The following LMNB1 variants were observed in gnomAD, a reference collection of about 807,000 sequenced individuals.
LMNB1 encodes the protein lamin-B1.
LMNB1 carries 23 observed loss-of-function variants against 67.1 expected under a neutral mutation model. That is an observed-to-expected ratio of 0.34 (90% CI 0.25 to 0.49). LMNB1 has a LOEUF of 0.49. LMNB1 is among the 20% of genes least tolerant of loss of function. The probability of loss-of-function intolerance (pLI) is 0.99; values close to 1 mark genes in which losing one functional copy is unlikely to be tolerated. For synonymous variants in LMNB1, 281 were observed against 282.9 expected (o/e 0.99, Z 0.07); for missense variants, 634 against 746.5 (o/e 0.85, Z 1.76).
intron 9 of LMNB1, among the ~76,000 whole-genome samples, chr5:126,829,184 A>G (rs1752071122): frequency 6.6e-6 from 1 of 151,920 alleles, no homozygotes; most frequent in African/African-American, 2.4e-5. Context: ...AGAAAACCCA[A>G]TTAAACTGGC....
At chr5:126,805,006 G>T (rs1237500424) in intron 2 of LMNB1, 74 bp downstream of exon 2, 28 of 1,201,722 alleles carry the variant, frequency 2.3e-5, no homozygotes, top group Non-Finnish European at 3.2e-5. Flanking sequence ...TAGTTTGATT[G>T]ATTGATTGAT....
At chr5:126,815,975 T>C (rs1267579591) in intron 5 of LMNB1, among the ~76,000 whole-genome samples, 5 of 152,242 alleles carry the variant, frequency 3.3e-5, no homozygotes, top group African/African-American at 9.6e-5. Flanking sequence ...TCAGGTTATC[T>C]GTGAATCTTG....
intron 1 of LMNB1, among the ~76,000 whole-genome samples, chr5:126,780,309 G>T (rs146852040): frequency 7.9e-5 from 12 of 152,294 alleles, no homozygotes; most frequent in African/African-American, 2.9e-4. Context: ...AGAGTGTAGT[G>T]GGGGAGCTAT....
At chr5:126,791,303 A>G (rs1750951122) in intron 1 of LMNB1, among the ~76,000 whole-genome samples, 1 of 152,038 alleles carries the variant, frequency 6.6e-6, no homozygotes, top group Non-Finnish European at 1.5e-5. Context: ...TTTTATTACC[A>G]TATGAGACTC....
At chr5:126,802,695 C>T (rs1193266032) in intron 1 of LMNB1, among the ~76,000 whole-genome samples, 6 of 152,116 alleles carry the variant, frequency 3.9e-5, no homozygotes, top group African/African-American at 1.4e-4. Flanking sequence ...CTTGCCTCGG[C>T]CTCCCAAAAT....
At chr5:126,780,495 G>C (rs1473355845) in intron 1 of LMNB1, among the ~76,000 whole-genome samples, 2 of 152,152 alleles carry the variant, frequency 1.3e-5, no homozygotes, top group Non-Finnish European at 2.9e-5. Flanking sequence ...TGGTTTCAGC[G>C]GGGTTAAAAA....
chr5:126,778,203 G>T (rs983159603), intron 1 of LMNB1, among the ~76,000 whole-genome samples: 3 of 152,086 alleles, frequency 2.0e-5, no homozygotes, highest in African/African-American at 7.2e-5. Context: ...GCGGAGAGGC[G>T]GCCCCTCAGG....
intron 1 of LMNB1, among the ~76,000 whole-genome samples, chr5:126,785,178 G>A (rs116549373): frequency 0.056 from 8,227 of 147,310 alleles, 258 homozygotes; most frequent in Middle Eastern, 0.1. Flanking sequence ...AGTAGAAACG[G>A]GGTTTCACCA....
intron 5 of LMNB1, among the ~76,000 whole-genome samples, chr5:126,813,555 T>G (rs1321687521): frequency 6.6e-6 from 1 of 152,232 alleles, no homozygotes; most frequent in East Asian, 1.9e-4. Context: ...CTTGGTAGCT[T>G]ATAAACAACA....
chr5:126,789,046 C>A (rs1284397751), intron 1 of LMNB1, among the ~76,000 whole-genome samples: 2 of 152,050 alleles, frequency 1.3e-5, no homozygotes, highest in Non-Finnish European at 2.9e-5. Context: ...CAGGCACACA[C>A]CACCACGACT....
intron 1 of LMNB1, among the ~76,000 whole-genome samples, chr5:126,778,348 A>G (rs761489641): frequency 5.9e-5 from 9 of 152,202 alleles, no homozygotes; most frequent in African/African-American, 1.4e-4. Flanking sequence ...GCCCGCCTCT[A>G]GAATGAATGA....
At chr5:126,802,514 G>C (rs1353022583) in intron 1 of LMNB1, among the ~76,000 whole-genome samples, 1 of 152,142 alleles carries the variant, frequency 6.6e-6, no homozygotes, top group African/African-American at 2.4e-5. Context: ...TATGATCTCG[G>C]CTCACTGCAA....
chr5:126,804,729 A>G (rs751380796), intron 1 of LMNB1, 47 bp from the exon 2 acceptor site: 124 of 1,557,790 alleles, frequency 8.0e-5, no homozygotes, highest in Non-Finnish European at 1.1e-4. Flanking sequence ...GAAGACCTCA[A>G]GTCATCAGTA....
At chr5:126,783,268 C>CT (rs1396198265) in intron 1 of LMNB1, among the ~76,000 whole-genome samples, 3 of 151,950 alleles carry the variant, frequency 2.0e-5, no homozygotes, top group African/African-American at 7.2e-5. Flanking sequence ...ATTACTATAT[C>CT]TTTTTTTAAT....
At chr5:126,789,349 G>C (rs1247740414) in intron 1 of LMNB1, among the ~76,000 whole-genome samples, 1 of 152,094 alleles carries the variant, frequency 6.6e-6, no homozygotes, top group Non-Finnish European at 1.5e-5. Context: ...AGCTTCTAGG[G>C]TAAAGACTAA....
At chr5:126,827,179 C>T (rs1260564126) in intron 9 of LMNB1, among the ~76,000 whole-genome samples, 1 of 152,144 alleles carries the variant, frequency 6.6e-6, no homozygotes, top group Admixed American at 6.5e-5. Flanking sequence ...ACCATATTTA[C>T]AAGTGCAGGG....
At chr5:126,783,834 C>T (rs1202076261) in intron 1 of LMNB1, among the ~76,000 whole-genome samples, 1 of 151,470 alleles carries the variant, frequency 6.6e-6, no homozygotes, top group African/African-American at 2.4e-5. Context: ...TTTTTTTATG[C>T]CATTAGTGTA....
At chr5:126,806,563 C>T (rs1304141694) in intron 3 of LMNB1, among the ~76,000 whole-genome samples, 2 of 152,020 alleles carry the variant, frequency 1.3e-5, no homozygotes, top group African/African-American at 2.4e-5. Flanking sequence ...CTTCATAGGG[C>T]TGCTCATGAT....
chr5:126,800,232 A>G (rs549079060), intron 1 of LMNB1, among the ~76,000 whole-genome samples: 11 of 152,330 alleles, frequency 7.2e-5, no homozygotes, highest in East Asian at 5.8e-4. Flanking sequence ...GGAGACAGAC[A>G]TGGAATCTTA....
Sources: gnomAD v4.1 joint callset for allele counts (sites outside exome capture counted in the v4.1 genomes callset) on GRCh38, gnomAD v4.1.1 for gene constraint, MANE v1.5 for transcripts, NCBI Gene and HGNC (gene_info 2026-07-23, HGNC 2026-07-21) for gene names.